The following TRAPPC9 variants were observed in gnomAD, a reference collection of about 807,000 sequenced individuals.
TRAPPC9 encodes the protein trafficking protein particle complex subunit 9, also known as IKK2 binding protein.
TRAPPC9 carries 83 observed loss-of-function variants against 124.0 expected under a neutral mutation model. The observed-to-expected ratio is 0.67, with a 90% confidence interval of 0.56 to 0.80. The LOEUF is 0.80. TRAPPC9 is among the 30% of genes least tolerant of loss of function. The pLI is 0.00. For missense variants in TRAPPC9, 1,302 were observed against 1,508.3 expected (o/e 0.86, Z 2.27); for synonymous variants, 638 against 617.5 (o/e 1.03, Z -0.49).
chr8:140,456,704 A>G, intron 1 of TRAPPC9: 4 of 714,604 alleles, frequency 5.6e-6, no homozygotes, highest in Non-Finnish European at 6.9e-6. Context: ...ACAAATAAAG[A>G]TGTCATAGGT....
intron 17 of TRAPPC9, among the ~76,000 whole-genome samples, chr8:140,123,173 T>G (rs992756990): frequency 1.3e-5 from 2 of 151,714 alleles, no homozygotes; most frequent in African/African-American, 4.8e-5. Flanking sequence ...CCATCCACCT[T>G]GTTGCTGGTC....
intron 17 of TRAPPC9, among the ~76,000 whole-genome samples, chr8:140,192,770 T>C (rs1363163266): frequency 2.0e-5 from 3 of 152,160 alleles, no homozygotes; most frequent in African/African-American, 7.2e-5. Context: ...GGAATGGCTG[T>C]TTGTTTATTT....
At chr8:139,804,204 C>T (rs1823802169) in intron 21 of TRAPPC9, among the ~76,000 whole-genome samples, 1 of 141,822 alleles carries the variant, frequency 7.1e-6, no homozygotes, top group Admixed American at 7.1e-5. Context: ...AGCACCACCG[C>T]CACCACCCAC....
At chr8:139,817,108 G>GTGC (rs1824898812) in intron 21 of TRAPPC9, among the ~76,000 whole-genome samples, 1 of 128,110 alleles carries the variant, frequency 7.8e-6, no homozygotes, top group Admixed American at 8.4e-5. Flanking sequence ...CACCCCCAGG[G>GTGC]TGCTGCAGGC....
At chr8:140,177,129 A>G (rs1391313036) in intron 17 of TRAPPC9, among the ~76,000 whole-genome samples, 1 of 152,200 alleles carries the variant, frequency 6.6e-6, no homozygotes, top group Non-Finnish European at 1.5e-5. Flanking sequence ...TGGCTTTTGA[A>G]GAGAAGTTTT....
At chr8:139,941,495 G>A (rs752104492) in intron 19 of TRAPPC9, among the ~76,000 whole-genome samples, 1 of 152,112 alleles carries the variant, frequency 6.6e-6, no homozygotes, top group Non-Finnish European at 1.5e-5. Flanking sequence ...GCCCAGTATG[G>A]CAGGAGGGCA....
chr8:139,836,449 C>CCG (rs567799809), intron 21 of TRAPPC9, among the ~76,000 whole-genome samples: 1,503 of 98,922 alleles, frequency 0.015, 16 homozygotes, highest in African/African-American at 0.075. Context: ...TGGGAAGCCG[C>CCG]TGGGGGGACC....
At chr8:140,379,489 A>G (rs577772933) in intron 7 of TRAPPC9, among the ~76,000 whole-genome samples, 1 of 152,314 alleles carries the variant, frequency 6.6e-6, no homozygotes, top group African/African-American at 2.4e-5. Context: ...TCTGGCTCAC[A>G]TTACACCTTC....
chr8:139,849,876 A>C (rs2054313), intron 21 of TRAPPC9, among the ~76,000 whole-genome samples: 17,031 of 152,250 alleles, frequency 0.11, 1,028 homozygotes, highest in Non-Finnish European at 0.12. Flanking sequence ...CCTGGCTCAG[A>C]ACCAGTGTTT....
intron 21 of TRAPPC9, among the ~76,000 whole-genome samples, chr8:139,883,919 T>C (rs1172070060): frequency 6.6e-6 from 1 of 152,122 alleles, no homozygotes; most frequent in Non-Finnish European, 1.5e-5. Flanking sequence ...GGGACTGTGG[T>C]GAGGAGTGCG....
chr8:139,862,625 T>C (rs1158209259), intron 21 of TRAPPC9, among the ~76,000 whole-genome samples: 2 of 152,244 alleles, frequency 1.3e-5, no homozygotes, highest in Non-Finnish European at 2.9e-5. Context: ...AGGCCTAAAC[T>C]GACCTACGTG....
intron 21 of TRAPPC9, among the ~76,000 whole-genome samples, chr8:139,849,068 C>T (rs916768830): frequency 6.6e-6 from 1 of 152,226 alleles, no homozygotes; most frequent in Non-Finnish European, 1.5e-5. Context: ...CCAAGTCAAA[C>T]GAGAGTGCTC....
At chr8:140,305,000 T>C (rs1007174440) in intron 10 of TRAPPC9, among the ~76,000 whole-genome samples, 1 of 152,198 alleles carries the variant, frequency 6.6e-6, no homozygotes, top group South Asian at 2.1e-4. Context: ...CATGGGGATG[T>C]TGCTGAGCAT....
chr8:139,750,691 C>A (rs1819253462), intron 21 of TRAPPC9, among the ~76,000 whole-genome samples: 1 of 152,204 alleles, frequency 6.6e-6, no homozygotes, highest in African/African-American at 2.4e-5. Flanking sequence ...ATGAGCTTTC[C>A]AGCACGGAGG....
At chr8:140,301,177 G>T (rs967910113) in intron 10 of TRAPPC9, among the ~76,000 whole-genome samples, 1 of 152,196 alleles carries the variant, frequency 6.6e-6, no homozygotes, top group East Asian at 1.9e-4. Context: ...CCATGAGAAG[G>T]TCAACAGCAC....
Position 140,356,117 on chromosome 8 carries a change from G to C in TRAPPC9, c.1495+3933C>G, listed in dbSNP as rs143880292. ...CTGAGTTCTGGACAGGAAGGGCAGG[G>C]GAGATAGGCAGGCACACACCCACCA... On this transcript the variant is annotated intron_variant, in intron 9 of 22. Coordinates refer to ENST00000438773, the MANE Select transcript of TRAPPC9 (RefSeq NM_001160372.4). Among the ~76,000 whole-genome samples the C allele has an allele frequency of 2.5e-3, 378 of 152,256 alleles. 2 individuals carry two copies. Among genetic ancestry groups the C allele is most frequent in the Middle Eastern group, 0.01 (3 of 294 alleles).
chr8:139,921,563 G>C (rs1308766889), intron 19 of TRAPPC9, among the ~76,000 whole-genome samples: 2 of 152,146 alleles, frequency 1.3e-5, no homozygotes, highest in Non-Finnish European at 2.9e-5. Flanking sequence ...AAGAGCTGGA[G>C]AGAAGTGTTG....
intron 21 of TRAPPC9, among the ~76,000 whole-genome samples, chr8:139,786,665 G>A (rs911207260): frequency 2.0e-5 from 3 of 152,200 alleles, no homozygotes; most frequent in Admixed American, 6.5e-5. Context: ...CAAGCCAAGT[G>A]TCTATCAAGT....
At chr8:139,755,935 G>T (rs1280856186) in intron 21 of TRAPPC9, among the ~76,000 whole-genome samples, 5 of 122,862 alleles carry the variant, frequency 4.1e-5, no homozygotes, top group East Asian at 4.8e-4. Context: ...TTGGGGATGA[G>T]GACCGCAGGT....
Sources: gnomAD v4.1 joint callset for allele counts (sites outside exome capture counted in the v4.1 genomes callset) on GRCh38, gnomAD v4.1.1 for gene constraint, MANE v1.5 for transcripts, NCBI Gene and HGNC (gene_info 2026-07-23, HGNC 2026-07-21) for gene names.